The following CCSER1 variants were observed in gnomAD, a reference collection of about 807,000 sequenced individuals.
CCSER1 encodes the protein serine-rich coiled-coil domain-containing protein 1.
A neutral mutation model predicts 82.0 loss-of-function variants in CCSER1; 41 were observed. That is an observed-to-expected ratio of 0.50 (90% CI 0.39 to 0.65). CCSER1 has a LOEUF of 0.65. Ranked by LOEUF, CCSER1 falls within the 30% of genes least tolerant of loss-of-function variation. The probability of loss-of-function intolerance (pLI) is 0.00; values close to 1 mark genes in which losing one functional copy is unlikely to be tolerated. For synonymous variants in CCSER1, 414 were observed against 383.9 expected (o/e 1.08, Z -0.92); for missense variants, 1,119 against 1,064.2 (o/e 1.05, Z -0.72).
chr4:91,173,910 C>A (rs1434316808), intron 10 of CCSER1, among the ~76,000 whole-genome samples: 1 of 152,122 alleles, frequency 6.6e-6, no homozygotes, highest in Non-Finnish European at 1.5e-5. Flanking sequence ...ACAAGGATAG[C>A]TAAATGTACA....
At chr4:91,223,747 C>T (rs1737934183) in intron 10 of CCSER1, among the ~76,000 whole-genome samples, 1 of 151,926 alleles carries the variant, frequency 6.6e-6, no homozygotes, top group African/African-American at 2.4e-5. Context: ...GTTTGGATTT[C>T]ATTATTAATA....
At chr4:90,820,729 GTATTATA>G (rs1171811861) in intron 8 of CCSER1, among the ~76,000 whole-genome samples, 2 of 148,678 alleles carry the variant, frequency 1.3e-5, no homozygotes, top group Admixed American at 6.9e-5. Context: ...TTATATAACT[GTATTATA>G]TATTATATAT....
At chr4:90,712,831 G>A (rs1560997968) in intron 6 of CCSER1, among the ~76,000 whole-genome samples, 1 of 149,970 alleles carries the variant, frequency 6.7e-6, no homozygotes, top group Non-Finnish European at 1.5e-5. Flanking sequence ...TGTATTGAGT[G>A]TATATATATT....
In CCSER1 at chr4:90,932,984, GAAAGAAAGAAAGAA is replaced by G. The variant is rs1730241846; in HGVS notation, c.2172+9539_2172+9552del. Among the ~76,000 whole-genome samples the G allele has an allele frequency of 3.4e-4, 7 of 20,530 alleles. 2 individuals carry two copies. Among genetic ancestry groups the G allele is most frequent in the Non-Finnish European group, 6.6e-4 (7 of 10,614 alleles). 13.5% of individuals were successfully genotyped at this position (20,530 alleles called of 152,430 possible). The stretch of plus-strand genomic sequence containing the variant: ...AAAGAAAGAAAGAAAGAAAGAAAGA[GAAAGAAAGAAAGAA>G]AGAAAGAAAGAAAGAAAGAAAGAAA... On this transcript the variant is annotated intron_variant, in intron 9 of 10. Coordinates refer to ENST00000509176, the MANE Select transcript of CCSER1 (RefSeq NM_001145065.2).
At chr4:90,420,454 C>T (rs1756512587) in intron 4 of CCSER1, among the ~76,000 whole-genome samples, 1 of 151,932 alleles carries the variant, frequency 6.6e-6, no homozygotes, top group Non-Finnish European at 1.5e-5. Flanking sequence ...AAAGAGATGA[C>T]TCTTAAGTAA....
intron 5 of CCSER1, among the ~76,000 whole-genome samples, chr4:90,594,001 C>G: frequency 6.6e-6 from 1 of 151,612 alleles, no homozygotes; most frequent in African/African-American, 2.4e-5. Flanking sequence ...ATATGCAGGC[C>G]CATTGTAAAG....
chr4:90,556,552 A>T (rs925778640), intron 5 of CCSER1, among the ~76,000 whole-genome samples: 2 of 152,090 alleles, frequency 1.3e-5, no homozygotes, highest in Non-Finnish European at 2.9e-5. Flanking sequence ...AGACTTACTG[A>T]TAACATAAAC....
At chr4:91,344,118 G>A (rs11097312) in intron 10 of CCSER1, among the ~76,000 whole-genome samples, 61,988 of 151,940 alleles carry the variant, frequency 0.41, 13,030 homozygotes, top group East Asian at 0.75. Flanking sequence ...GCCTTTAGAA[G>A]GTGATTAAGT....
chr4:91,101,567 G>A (rs923326712), intron 10 of CCSER1, among the ~76,000 whole-genome samples: 15 of 151,772 alleles, frequency 9.9e-5, no homozygotes, highest in African/African-American at 1.7e-4. Flanking sequence ...CTCGGGAGGC[G>A]GAGGTTGCAG....
chr4:90,570,213 A>G (rs991811835), intron 5 of CCSER1, among the ~76,000 whole-genome samples: 1 of 152,102 alleles, frequency 6.6e-6, no homozygotes, highest in Non-Finnish European at 1.5e-5. Context: ...GTCATGATAA[A>G]TGTCTTCTTC....
intron 10 of CCSER1, among the ~76,000 whole-genome samples, chr4:91,422,687 T>G (rs2149384731): frequency 6.6e-6 from 1 of 152,198 alleles, no homozygotes; most frequent in Admixed American, 6.5e-5. Flanking sequence ...GGCCTTAATT[T>G]TGTATAAAAA....
At chr4:91,433,497 C>T (rs953331284) in intron 10 of CCSER1, among the ~76,000 whole-genome samples, 1 of 152,206 alleles carries the variant, frequency 6.6e-6, no homozygotes, top group African/African-American at 2.4e-5. Flanking sequence ...AAATGCCCTC[C>T]CTACACAGGT....
intron 10 of CCSER1, among the ~76,000 whole-genome samples, chr4:91,369,565 G>C (rs1338154842): frequency 6.7e-6 from 1 of 149,060 alleles, no homozygotes; most frequent in Non-Finnish European, 1.5e-5. Context: ...AATGTTTTGA[G>C]AGTTAATGAT....
At chr4:91,448,506 C>G (rs1373510703) in intron 10 of CCSER1, among the ~76,000 whole-genome samples, 1 of 152,014 alleles carries the variant, frequency 6.6e-6, no homozygotes, top group Non-Finnish European at 1.5e-5. Flanking sequence ...ATAATCCTAA[C>G]TCATTCAGTG....
intron 10 of CCSER1, among the ~76,000 whole-genome samples, chr4:91,509,597 T>C (rs949035523): frequency 2.5e-4 from 38 of 152,272 alleles, no homozygotes; most frequent in Non-Finnish European, 8.8e-5. Flanking sequence ...AGTTTAAATG[T>C]AGTGTTCACA....
chr4:91,243,590 C>T (rs920014582), intron 10 of CCSER1, among the ~76,000 whole-genome samples: 7 of 152,032 alleles, frequency 4.6e-5, no homozygotes, highest in Admixed American at 1.3e-4. Flanking sequence ...GGTAGTAGGA[C>T]GGGGCACTGG....
chr4:91,062,265 C>T (rs899724541), intron 9 of CCSER1, among the ~76,000 whole-genome samples: 2 of 151,978 alleles, frequency 1.3e-5, no homozygotes, highest in Non-Finnish European at 2.9e-5. Flanking sequence ...CTCACCCATG[C>T]AGAGGGAACA....
At chr4:90,557,533 A>G (rs1319961446) in intron 5 of CCSER1, among the ~76,000 whole-genome samples, 1 of 152,088 alleles carries the variant, frequency 6.6e-6, no homozygotes. Context: ...GGCTGTTTTC[A>G]ATCTTTTTAA....
At chr4:91,205,738 A>C (rs549442464) in intron 10 of CCSER1, among the ~76,000 whole-genome samples, 1 of 148,738 alleles carries the variant, frequency 6.7e-6, no homozygotes, top group East Asian at 2.0e-4. Context: ...CTACTGACTC[A>C]TGTTACATTC....
Sources: allele counts gnomAD v4.1 joint callset (sites outside exome capture counted in the v4.1 genomes callset), GRCh38; gene constraint gnomAD v4.1.1; transcripts MANE v1.5; gene names NCBI Gene and HGNC (gene_info 2026-07-23, HGNC 2026-07-21).